The following BCAT1 variants were observed in gnomAD, a reference collection of about 807,000 sequenced individuals.
BCAT1 encodes the protein branched-chain-amino-acid aminotransferase, cytosolic.
In BCAT1, 48 loss-of-function variants were observed where a neutral mutation model predicts 52.4. The ratio of observed to expected loss-of-function variants is 0.92; its 90% CI spans 0.73 to 1.16. The LOEUF is 1.16. Ranked by LOEUF, BCAT1 falls within the 50% of genes most tolerant of loss-of-function variation. BCAT1 has a pLI of 0.00. For missense variants in BCAT1, 451 were observed against 457.1 expected, an observed-to-expected ratio of 0.99 and a Z score of 0.12; for synonymous variants, 167 against 161.3, an observed-to-expected ratio of 1.04 and a Z score of -0.27.
intron 5 of BCAT1, among the ~76,000 whole-genome samples, chr12:24,863,273 A>T (rs997567626): frequency 5.3e-5 from 8 of 152,250 alleles, no homozygotes; most frequent in African/African-American, 1.7e-4. Flanking sequence ...ATTACATTAG[A>T]TAATATGTAG....
At chr12:24,938,097 T>C (rs1943792278) in intron 1 of BCAT1, among the ~76,000 whole-genome samples, 1 of 152,120 alleles carries the variant, frequency 6.6e-6, no homozygotes, top group Admixed American at 6.5e-5. Flanking sequence ...TGCTAAAATC[T>C]ACAGTGGATA....
chr12:24,926,207 G>A (rs1197597459), intron 1 of BCAT1, among the ~76,000 whole-genome samples: 52 of 151,296 alleles, frequency 3.4e-4, no homozygotes, highest in East Asian at 9.7e-4. Flanking sequence ...CTGCTGCCCC[G>A]TCTGGGAGGT....
intron 5 of BCAT1, among the ~76,000 whole-genome samples, chr12:24,869,423 G>A (rs181071964): frequency 1.1e-4 from 17 of 152,246 alleles, no homozygotes; most frequent in African/African-American, 4.1e-4. Flanking sequence ...GCTTTGTGGG[G>A]AGTCCCTGTT....
intron 2 of BCAT1, among the ~76,000 whole-genome samples, chr12:24,896,204 C>A (rs1188482212): frequency 1.3e-5 from 2 of 152,102 alleles, no homozygotes; most frequent in Non-Finnish European, 2.9e-5. Context: ...AGACTTTTTA[C>A]TAAGTATAAT....
rs913891475 is a variant in BCAT1 at position 24,878,928 on chromosome 12, A to G, written c.391-279T>C. ...CCAATAAAAAAAATTTTAAAGTAAT[A>G]ATAAAACCAAACAATTTTTTCTGAT... is the stretch of plus-strand genomic sequence containing the variant. On this transcript the variant is annotated intron_variant, in intron 4 of 10. Transcript: ENST00000261192. Among the ~76,000 whole-genome samples the G allele has an allele frequency of 2.0e-5, 3 of 152,150 alleles. No individual in the cohort carries two copies. In the East Asian group the frequency reaches 5.8e-4, roughly 29 times the overall value.
At chr12:24,834,719 T>C (rs1252780441) in intron 8 of BCAT1, 2 of 1,049,940 alleles carry the variant, frequency 1.9e-6, no homozygotes, top group African/African-American at 1.7e-5. Context: ...TCAATTTCTC[T>C]CAGTCTACAA....
At chr12:24,822,621 CT>C (rs1437635172) in intron 10 of BCAT1, among the ~76,000 whole-genome samples, 2 of 152,174 alleles carry the variant, frequency 1.3e-5, no homozygotes, top group African/African-American at 4.8e-5. Flanking sequence ...AATTTTGAGA[CT>C]TTAAGTTCCA....
intron 5 of BCAT1, among the ~76,000 whole-genome samples, chr12:24,872,479 T>C (rs1404916002): frequency 6.6e-6 from 1 of 152,248 alleles, no homozygotes; most frequent in Admixed American, 6.5e-5. Flanking sequence ...AATGTTGCTC[T>C]ACATTATTCA....
intron 6 of BCAT1, among the ~76,000 whole-genome samples, chr12:24,845,687 AT>A (rs1302084897): frequency 6.6e-6 from 1 of 152,216 alleles, no homozygotes; most frequent in Non-Finnish European, 1.5e-5. Flanking sequence ...CTTGGAAAAA[AT>A]AAATAATAAC....
intron 3 of BCAT1, among the ~76,000 whole-genome samples, chr12:24,882,765 AATTTTTTGT>A (rs1230944149): frequency 2.6e-5 from 4 of 151,794 alleles, no homozygotes; most frequent in African/African-American, 9.7e-5. Context: ...CGCCCAAGTT[AATTTTTTGT>A]ATTTTTTGTA....
intron 10 of BCAT1, among the ~76,000 whole-genome samples, chr12:24,828,678 T>C (rs1940510946): frequency 6.6e-6 from 1 of 152,338 alleles, no homozygotes; most frequent in South Asian, 2.1e-4. Context: ...TTATGTACAA[T>C]ATGATCCCAT....
At chr12:24,846,663 A>G (rs1941352765) in intron 6 of BCAT1, among the ~76,000 whole-genome samples, 1 of 152,202 alleles carries the variant, frequency 6.6e-6, no homozygotes, top group South Asian at 2.1e-4. Flanking sequence ...CAGGTTGAGG[A>G]TCCCTAATTT....
At chr12:24,825,934 AGG>A (rs1162849494) in intron 10 of BCAT1, among the ~76,000 whole-genome samples, 2 of 152,150 alleles carry the variant, frequency 1.3e-5, no homozygotes, top group African/African-American at 4.8e-5. Context: ...TTCGCTGGCC[AGG>A]GACAGTGGCT....
chr12:24,823,037 T>G (rs1318798467), intron 10 of BCAT1, among the ~76,000 whole-genome samples: 1 of 121,842 alleles, frequency 8.2e-6, no homozygotes. Flanking sequence ...GTTTTGACTT[T>G]TTTTTTTTTT....
chr12:24,902,191 A>G (rs1943125218), intron 1 of BCAT1: 1 of 1,433,730 alleles, frequency 7.0e-7, no homozygotes, highest in South Asian at 1.5e-5. Flanking sequence ...AAAGAACAAA[A>G]AAACAATTGT....
At chr12:24,859,644 T>A (rs527983635) in intron 5 of BCAT1, among the ~76,000 whole-genome samples, 48 of 151,404 alleles carry the variant, frequency 3.2e-4, no homozygotes, top group Non-Finnish European at 5.4e-4. Context: ...AAAAAAGGAT[T>A]TTGCTTTTGG....
At chr12:24,853,174 A>ATGTTTAT (rs2139479744) in intron 5 of BCAT1, among the ~76,000 whole-genome samples, 1 of 152,338 alleles carries the variant, frequency 6.6e-6, no homozygotes, top group Non-Finnish European at 1.5e-5. Flanking sequence ...CCTGTCCACA[A>ATGTTTAT]CAACAAAGAC....
chr12:24,891,503 C>T (rs910577375), intron 3 of BCAT1, among the ~76,000 whole-genome samples: 3 of 152,090 alleles, frequency 2.0e-5, no homozygotes, highest in African/African-American at 7.2e-5. Flanking sequence ...TAAAATGACG[C>T]TTGTAATTTT....
chr12:24,884,003 G>A (rs565346665), intron 3 of BCAT1, among the ~76,000 whole-genome samples: 5 of 152,190 alleles, frequency 3.3e-5, no homozygotes, highest in South Asian at 2.1e-4. Flanking sequence ...TGGGGTTTGG[G>A]GACCCTTATC....
Sources: gnomAD v4.1 joint callset for allele counts (sites outside exome capture counted in the v4.1 genomes callset) on GRCh38, gnomAD v4.1.1 for gene constraint, MANE v1.5 for transcripts, NCBI Gene and HGNC (gene_info 2026-07-23, HGNC 2026-07-21) for gene names.